TSPAN9: variants seen among roughly 807,000 people sequenced by gnomAD.
The protein encoded by TSPAN9 is tetraspanin 9.
Under a neutral mutation model 31.0 loss-of-function variants are expected in TSPAN9, and 16 were observed. That is an observed-to-expected ratio of 0.52 (90% confidence interval 0.35 to 0.78). TSPAN9 has a LOEUF of 0.78. TSPAN9 is among the 30% of genes least tolerant of loss of function. The pLI, the probability that TSPAN9 is intolerant of heterozygous loss-of-function variation, is 0.01. For missense variants in TSPAN9, 272 were observed against 312.5 expected (o/e 0.87, Z 0.98); for synonymous variants, 145 against 121.6 (o/e 1.19, Z -1.27).
At chr12:3,171,115 T>C (rs1210684132) in intron 2 of TSPAN9, among the ~76,000 whole-genome samples, 2 of 152,204 alleles carry the variant, frequency 1.3e-5, no homozygotes, top group Non-Finnish European at 2.9e-5. Flanking sequence ...GCTGCTGCCC[T>C]GTCCCGACGC....
chr12:3,152,422 C>T (rs1331782883), intron 2 of TSPAN9, among the ~76,000 whole-genome samples: 1 of 152,208 alleles, frequency 6.6e-6, no homozygotes, highest in Non-Finnish European at 1.5e-5. Flanking sequence ...GACACACCTG[C>T]CCCCACTTGG....
intron 3 of TSPAN9, chr12:3,206,523 C>A (rs1225321292): frequency 7.6e-6 from 2 of 264,104 alleles, no homozygotes; most frequent in South Asian, 7.0e-5. Flanking sequence ...CTTTCTGACT[C>A]TCCTGCTCTG....
chr12:3,162,709 G>C (rs1014750598), intron 2 of TSPAN9, among the ~76,000 whole-genome samples: 2 of 152,156 alleles, frequency 1.3e-5, no homozygotes, highest in Admixed American at 1.3e-4. Flanking sequence ...TTTCCCCTCA[G>C]CTCTTTCTCA....
chr12:3,218,929 G>A (rs1449797352), intron 3 of TSPAN9, among the ~76,000 whole-genome samples: 1 of 152,200 alleles, frequency 6.6e-6, no homozygotes, highest in African/African-American at 2.4e-5. Context: ...AGAGGTCAGA[G>A]GTCGCAGAAA....
chr12:3,281,156 G>C (rs1285753360), intron 6 of TSPAN9, 42 bp from the exon 7 acceptor site: 1 of 1,549,640 alleles, frequency 6.5e-7, no homozygotes, highest in South Asian at 1.2e-5. Context: ...GAAGGGGCGG[G>C]CCATGGCATG....
chr12:3,202,544 A>T (rs1225075822), intron 3 of TSPAN9, among the ~76,000 whole-genome samples: 2 of 152,166 alleles, frequency 1.3e-5, no homozygotes, highest in Non-Finnish European at 2.9e-5. Flanking sequence ...TGGGCAAATC[A>T]CTTGGTCCCT....
chr12:3,255,209 C>T (rs777431438), intron 3 of TSPAN9, among the ~76,000 whole-genome samples: 3 of 152,220 alleles, frequency 2.0e-5, no homozygotes, highest in Non-Finnish European at 4.4e-5. Context: ...CTGTCTGTCC[C>T]GCCAGCTCCG....
chr12:3,156,995 C>T (rs1215328917), intron 2 of TSPAN9, among the ~76,000 whole-genome samples: 1 of 152,132 alleles, frequency 6.6e-6, no homozygotes, highest in Non-Finnish European at 1.5e-5. Flanking sequence ...AAGGACAGTA[C>T]CTTTGCAGTA....
chr12:3,209,591 C>T (rs1224556101), intron 3 of TSPAN9, among the ~76,000 whole-genome samples: 5 of 152,168 alleles, frequency 3.3e-5, no homozygotes, highest in Non-Finnish European at 5.9e-5. Flanking sequence ...ACTCGCCTGA[C>T]GAGCTCAGCT....
chr12:3,279,883 C>T (rs1862862547), intron 5 of TSPAN9, among the ~76,000 whole-genome samples: 1 of 152,176 alleles, frequency 6.6e-6, no homozygotes, highest in Admixed American at 6.5e-5. Context: ...CTAACAACAG[C>T]GCCATGAGTA....
chr12:3,162,236 GA>G (rs2098345756), intron 2 of TSPAN9, among the ~76,000 whole-genome samples: 1 of 152,184 alleles, frequency 6.6e-6, no homozygotes, highest in African/African-American at 2.4e-5. Context: ...ACCATGAGCA[GA>G]AGCAGCCTGA....
chr12:3,148,244 G>GATCCCTCTA (rs749913348), intron 2 of TSPAN9, among the ~76,000 whole-genome samples: 51 of 152,302 alleles, frequency 3.3e-4, no homozygotes, highest in South Asian at 1.2e-3. Context: ...ACCAGAATCT[G>GATCCCTCTA]AGAACTACCC....
intron 8 of TSPAN9, among the ~76,000 whole-genome samples, chr12:3,282,662 C>T (rs186435545): frequency 2.1e-4 from 32 of 152,284 alleles, no homozygotes; most frequent in Non-Finnish European, 3.8e-4. Context: ...CCACCGTGCC[C>T]GGCTGGCCTG....
chr12:3,136,632 A>T (rs2153967368), intron 2 of TSPAN9, among the ~76,000 whole-genome samples: 1 of 152,282 alleles, frequency 6.6e-6, no homozygotes, highest in South Asian at 2.1e-4. Context: ...GAGCCCTCAG[A>T]TGCCTGAGGT....
chr12:3,164,644 G>A (rs1361080560), intron 2 of TSPAN9, among the ~76,000 whole-genome samples: 5 of 152,208 alleles, frequency 3.3e-5, no homozygotes, highest in Non-Finnish European at 7.3e-5. Flanking sequence ...CAGCAGTGTC[G>A]TGGTAGGTTG....
At chr12:3,184,417 A>AAGAGAAAGAGAGAGAGAG (rs2098360027) in intron 2 of TSPAN9, among the ~76,000 whole-genome samples, 1 of 151,428 alleles carries the variant, frequency 6.6e-6, no homozygotes, top group Non-Finnish European at 1.5e-5. Context: ...AAAAGAAAGA[A>AAGAGAAAGAGAGAGAGAG]AGAGAAAGAG....
rs368997277 is a variant in TSPAN9 at position 3,183,739 on chromosome 12, G to GT, written c.-17-17434dup. On this transcript the variant is annotated intron_variant, in intron 2 of 8. Transcript: ENST00000011898. ...CCTGGGACCCACGCTTGGAGAAGTAGTTTTAGAGGGAACTCGGCATTTGGG... is the reference window on the plus strand; with the variant it reads ...CCTGGGACCCACGCTTGGAGAAGTAGTTTTTAGAGGGAACTCGGCATTTGGG... Among the ~76,000 whole-genome samples, 767 of 152,312 alleles carry GT rather than the reference G, an allele frequency of 5.0e-3. 7 individuals carry two copies. The highest frequency in any genetic ancestry group is 0.016 in the African/African-American group (680 of 41,580).
chr12:3,206,668 C>T (rs1450032872), intron 3 of TSPAN9, among the ~76,000 whole-genome samples: 2 of 151,928 alleles, frequency 1.3e-5, no homozygotes, highest in Non-Finnish European at 2.9e-5. Flanking sequence ...ACTGAAAAGG[C>T]TGGCAGATGC....
chr12:3,108,517 G>C (rs1362519139), intron 2 of TSPAN9, among the ~76,000 whole-genome samples: 2 of 152,144 alleles, frequency 1.3e-5, no homozygotes, highest in East Asian at 3.8e-4. Flanking sequence ...GTGTTCTGCT[G>C]TGTCACACAT....
Sources: gnomAD v4.1 joint callset for allele counts (sites outside exome capture counted in the v4.1 genomes callset) on GRCh38, gnomAD v4.1.1 for gene constraint, MANE v1.5 for transcripts, NCBI Gene and HGNC (gene_info 2026-07-23, HGNC 2026-07-21) for gene names.